Variants in RPAP1 observed in about 807,000 individuals in gnomAD.
RPAP1 encodes the protein RNA polymerase II-associated protein 1.
In RPAP1, 109 loss-of-function variants were observed where a neutral mutation model predicts 142.4. The observed-to-expected ratio is 0.77, with a 90% CI of 0.66 to 0.90. The LOEUF is 0.90. RPAP1 is among the 40% of genes least tolerant of loss of function. The pLI is 0.00. For synonymous variants in RPAP1, 704 were observed against 738.9 expected (o/e 0.95, Z 0.77); for missense variants, 1,546 against 1,751.7 (o/e 0.88, Z 2.10).
rs961452344 is a variant in RPAP1 at position 41,526,940 on chromosome 15, A to G, written c.1875T>C (p.Leu625=). 1 of 1,614,014 alleles carries G rather than the reference A, an allele frequency of 6.2e-7. No individual in the cohort carries two copies. The highest frequency in any genetic ancestry group is 1.7e-5 in the Admixed American group (1 of 60,010). Residue 625 remains leucine, a synonymous_variant, in exon 14 of 25, where the codon CTT becomes CTC. Transcript: ENST00000304330. ...TCCTCCCAGCTGAGGCCAGGACACG[A>G]AGTAGTTTCATGGCAGTAGCACAGG... The part of the protein sequence containing the change: ...KVPCATAMKL[L]RVLASAGRNI...
chr15:41,535,920 G>C (rs1308089716), intron 4 of RPAP1, among the ~76,000 whole-genome samples: 1 of 152,104 alleles, frequency 6.6e-6, no homozygotes, highest in African/African-American at 2.4e-5. Flanking sequence ...ATGGGAATAA[G>C]GACTCCTCAT....
Position 41,520,786 on chromosome 15 carries a change from G to A in RPAP1, c.3400C>T (p.Gln1134Ter). ...CAGCTCTCCAAAACTAGCACCCACTGCAGGACCCGCATGGCTGTGCCCATG... is the reference window on the plus strand; with the variant it reads ...CAGCTCTCCAAAACTAGCACCCACTACAGGACCCGCATGGCTGTGCCCATG... ...DTMGTAMRVL[Q>*]WVLVLESWRP... The change falls in exon 22 of 25, where the codon CAG becomes TAG. Residue 1134 changes from glutamine (Q) to a stop codon, truncating the protein, a stop_gained. Coordinates refer to ENST00000304330, the MANE Select transcript of RPAP1 (RefSeq NM_015540.4). LOFTEE classifies it high-confidence loss of function. 1 of 1,613,834 alleles carries A rather than the reference G, an allele frequency of 6.2e-7. No individual in the cohort carries two copies. Among genetic ancestry groups the A allele is most frequent in the African/African-American group, 1.3e-5 (1 of 75,068 alleles).
At chr15:41,534,262 A>T (rs372649317) in intron 6 of RPAP1, among the ~76,000 whole-genome samples, 5 of 151,848 alleles carry the variant, frequency 3.3e-5, no homozygotes, top group Non-Finnish European at 7.4e-5. Flanking sequence ...TACTAAAAAT[A>T]AAAAAATTAG....
At chr15:41,534,155 T>C (rs2051884435) in intron 6 of RPAP1, among the ~76,000 whole-genome samples, 1 of 148,768 alleles carries the variant, frequency 6.7e-6, no homozygotes, top group South Asian at 2.1e-4. Flanking sequence ...TGGTGGCTCA[T>C]GCTTGTAATC....
At position 41,524,161 on chromosome 15, in the gene RPAP1, G is replaced by C; in HGVS notation, c.2169C>G (p.Ala723=). ...GCTGGGTGAGGAGAGTGAGCAGTGAGGCTATCCGCTGCATGGACAGGGGTT... is the reference window on the plus strand; with the variant it reads ...GCTGGGTGAGGAGAGTGAGCAGTGACGCTATCCGCTGCATGGACAGGGGTT... ...PPQPLSMQRI[A]SLLTLLTQLT... Residue 723 remains alanine (A), a synonymous_variant, in exon 16 of 25, where the codon GCC becomes GCG. Transcript: ENST00000304330. 1 of 1,598,974 alleles carries C rather than the reference G, an allele frequency of 6.3e-7. No individual in the cohort carries two copies. Among genetic ancestry groups the C allele is most frequent in the Non-Finnish European group, 8.5e-7 (1 of 1,171,780 alleles).
intron 6 of RPAP1, among the ~76,000 whole-genome samples, chr15:41,532,135 C>T (rs1044132539): frequency 1.3e-5 from 2 of 151,842 alleles, no homozygotes; most frequent in Non-Finnish European, 2.9e-5. Flanking sequence ...GATTTTCTTG[C>T]CTCAGCCTCC....
Position 41,523,888 on chromosome 15 carries a change from C to T in RPAP1, c.2319G>A (p.Pro773=), listed in dbSNP as rs757882320. ...QVSGLQPLVE[P]CLRQTLKLLS... ...GCAACTTCAAGGTCTGCCTTAGACA[C>T]GGCTCAACAAGAGGCTGGAGCCCAG... is the stretch of plus-strand genomic sequence containing the variant. The change falls in exon 17 of 25, where the codon CCG becomes CCA. Residue 773 remains proline (P), a synonymous_variant. Coordinates refer to ENST00000304330, the MANE Select transcript of RPAP1 (RefSeq NM_015540.4). 3.6e-5 allele frequency: 58 copies of T among 1,607,742 alleles called. No individual in the cohort carries two copies. The highest frequency in any genetic ancestry group is 1.1e-4 in the South Asian group (10 of 89,966).
Position 41,531,643 on chromosome 15 carries a change from T to A in RPAP1, c.764-441A>T, listed in dbSNP as rs28459504. 1.2e-3 allele frequency among the ~76,000 whole-genome samples: 136 copies of A among 116,256 alleles called. 4 individuals are homozygous for A. Among genetic ancestry groups the A allele is most frequent in the African/African-American group, 2.6e-3 (67 of 26,250 alleles). The allele number at this position is 116,256 out of a possible 152,430, so 76.3% of individuals were successfully genotyped here. ...TATATATATATTTTTTTTTTTTTTT[T>A]TTTTTTTTTTTTTTTGAGACGGAAT... On this transcript the variant is annotated intron_variant, in intron 6 of 24. Coordinates refer to ENST00000304330, the MANE Select transcript of RPAP1 (RefSeq NM_015540.4).
intron 19 of RPAP1, 131 bp downstream of exon 19, chr15:41,522,633 GC>G: frequency 2.6e-6 from 2 of 760,332 alleles, no homozygotes; most frequent in Non-Finnish European, 4.0e-6. Context: ...CAGGTGATCT[GC>G]CCACCTCGGC....
intron 9 of RPAP1, 64 bp downstream of exon 9, chr15:41,529,406 C>T: frequency 9.2e-7 from 1 of 1,091,322 alleles, no homozygotes; most frequent in South Asian, 1.3e-5. Flanking sequence ...GGCAGTTGAC[C>T]AGAGATCCTT....
At position 41,531,113 on chromosome 15, in the gene RPAP1, G is replaced by A. The variant is rs2051842539; in HGVS notation, c.853C>T (p.Pro285Ser). 1.9e-6 allele frequency: 3 copies of A among 1,613,744 alleles called. No homozygotes were observed. Among genetic ancestry groups the A allele is most frequent in the Non-Finnish European group, 2.5e-6 (3 of 1,179,862 alleles). Residue 285 changes from proline (P) to serine (S), a missense_variant, in exon 7 of 25, where the codon CCC becomes TCC. By Grantham distance (74) the Pro-to-Ser change is moderately conservative. Transcript: ENST00000304330. ...TASEEQRPGG[P>S]SANVTKEEPL... ...TCCTCCTTGGTGACATTAGCAGAGG[G>A]TCCTCCTGGCCTCTGCTCCTCAGAG...
intron 15 of RPAP1, among the ~76,000 whole-genome samples, chr15:41,524,523 A>G (rs968118516): frequency 2.1e-4 from 30 of 144,160 alleles, no homozygotes; most frequent in African/African-American, 6.9e-4. Context: ...GCTGGAGTGC[A>G]GTGGAGTGAT....
chr15:41,543,105 C>T (rs73409148), intron 1 of RPAP1, among the ~76,000 whole-genome samples: 3,494 of 152,050 alleles, frequency 0.023, 134 homozygotes, highest in African/African-American at 0.08. Context: ...GTTATGGGCA[C>T]CAGTTTTGGA....
chr15:41,535,655 A>G lies in RPAP1; in HGVS notation c.421-23T>C, dbSNP rs1216843014. Reference sequence around the variant, plus strand: ...CCCCTGTGGGGCAAAAAGAAAACCCAGGTTACTGATGCTCATCATCCCACT... The same window carrying G: ...CCCCTGTGGGGCAAAAAGAAAACCCGGGTTACTGATGCTCATCATCCCACT... On this transcript the variant is annotated intron_variant, in intron 4 of 24. Transcript: ENST00000304330. 3 of 1,607,234 alleles carry G rather than the reference A, an allele frequency of 1.9e-6. No homozygotes were observed. In the South Asian group the frequency reaches 3.3e-5, roughly 18 times the overall value.
In RPAP1 at chr15:41,537,199, T is replaced by C. The variant is rs2140787775; in HGVS notation, c.-74A>G. 6.9e-7 allele frequency: 1 copy of C among 1,451,056 alleles called. No homozygotes were observed. The highest frequency in any genetic ancestry group is 2.4e-5 in the East Asian group (1 of 41,014). 89.9% of individuals were successfully genotyped at this position (1,451,056 alleles called of 1,614,324 possible). A position where few individuals can be genotyped will look rare whatever the true frequency, so the allele number is the denominator to read the frequency against. ...CCGTGTGGGGGTTCCCTCTTATTCATCCCTAAGAGCAAGAAAGAATATGGG... is the reference window on the plus strand; with the variant it reads ...CCGTGTGGGGGTTCCCTCTTATTCACCCCTAAGAGCAAGAAAGAATATGGG... On this transcript the variant is annotated splice_region_variant and 5_prime_UTR_variant, in exon 2 of 25. It removes an upstream start codon present in the reference 5' UTR. Coordinates refer to ENST00000304330, the MANE Select transcript of RPAP1 (RefSeq NM_015540.4).
Position 41,524,177 on chromosome 15 carries a change from G to A in RPAP1, c.2153C>T (p.Ser718Phe). The A allele has an allele frequency of 6.3e-7, 1 of 1,596,194 alleles. No homozygotes were observed. ...GAGCAGTGAGGCTATCCGCTGCATGGACAGGGGTTGAGGTGGGTGGGTGCT... is the reference window on the plus strand; with the variant it reads ...GAGCAGTGAGGCTATCCGCTGCATGAACAGGGGTTGAGGTGGGTGGGTGCT... ...ELSTHPPQPL[S>F]MQRIASLLTL... The change falls in exon 16 of 25, where the codon TCC (serine) becomes TTC (phenylalanine). Residue 718 changes from serine (S) to phenylalanine (F), a missense_variant. Physicochemically the swap from Ser to Phe is radical, Grantham distance 155 (BLOSUM62 -2). Transcript: ENST00000304330.
At chr15:41,537,971 C>T (rs749351760) in intron 1 of RPAP1, among the ~76,000 whole-genome samples, 18 of 151,876 alleles carry the variant, frequency 1.2e-4, no homozygotes, top group African/African-American at 2.7e-4. Context: ...TGGCCGGATG[C>T]GGTGGCTCAC....
intron 1 of RPAP1, among the ~76,000 whole-genome samples, chr15:41,539,650 G>A (rs921534088): frequency 2.2e-4 from 33 of 151,844 alleles, no homozygotes; most frequent in African/African-American, 7.5e-4. Flanking sequence ...GGCTGGTCTC[G>A]ATCTCCTGGG....
chr15:41,527,349 G>A (rs1197617290), intron 12 of RPAP1, 48 bp from the exon 13 acceptor site: 2 of 1,613,178 alleles, frequency 1.2e-6, no homozygotes, highest in Non-Finnish European at 1.7e-6. Context: ...CTGGACCCTG[G>A]GCATTGATGG....
Sources: allele counts gnomAD v4.1 joint callset (sites outside exome capture counted in the v4.1 genomes callset), GRCh38; gene constraint gnomAD v4.1.1; transcripts MANE v1.5; gene names NCBI Gene and HGNC (gene_info 2026-07-23, HGNC 2026-07-21).